Variants in VEZT observed in about 807,000 individuals in gnomAD.
The protein encoded by VEZT is vezatin.
Under a neutral mutation model 79.9 loss-of-function variants are expected in VEZT, and 39 were observed. The ratio of observed to expected loss-of-function variants is 0.49; its 90% CI spans 0.38 to 0.64. VEZT has a LOEUF of 0.64. Among genes scored for constraint, VEZT ranks in the 30% least tolerant of loss-of-function variants. VEZT has a pLI of 0.00. For missense variants in VEZT, 837 were observed against 893.1 expected (o/e 0.94, Z 0.80); for synonymous variants, 325 against 327.6 (o/e 0.99, Z 0.09).
At chr12:95,226,807 A>G (rs1484241476) in intron 1 of VEZT, among the ~76,000 whole-genome samples, 5 of 152,192 alleles carry the variant, frequency 3.3e-5, no homozygotes, top group Non-Finnish European at 7.3e-5. Context: ...GAATCTGATT[A>G]CCCATTTTAT....
At chr12:95,224,819 G>A (rs559909712) in intron 1 of VEZT, among the ~76,000 whole-genome samples, 6 of 152,290 alleles carry the variant, frequency 3.9e-5, no homozygotes, top group Non-Finnish European at 5.9e-5. Flanking sequence ...GACTTGTTTC[G>A]TGGAAGACAG....
rs762233115 is a variant in VEZT at position 95,217,930 on chromosome 12, A to G, written c.36+44A>G. 3.4e-6 allele frequency: 5 copies of G among 1,462,256 alleles called. No homozygotes were observed. In the South Asian group the frequency reaches 7.1e-5, roughly 21 times the overall value. 90.6% of individuals were successfully genotyped at this position (1,462,256 alleles called of 1,614,324 possible). The stretch of plus-strand genomic sequence containing the variant: ...TGGGTGTGGATTGCCTTTGTTTGAG[A>G]AGGACGAGACGGAAATCGAGGAAGC... On this transcript the variant is annotated intron_variant, in intron 1 of 11. Coordinates refer to ENST00000436874, the MANE Select transcript of VEZT (RefSeq NM_017599.4).
At chr12:95,270,012 C>T in intron 5 of VEZT, 39 bp from the exon 6 acceptor site, 1 of 1,593,416 alleles carries the variant, frequency 6.3e-7, no homozygotes, top group Non-Finnish European at 8.6e-7. Flanking sequence ...GACACCTGTA[C>T]AGTTGTATCA....
intron 3 of VEZT, among the ~76,000 whole-genome samples, chr12:95,261,996 T>C (rs192435963): frequency 6.0e-4 from 92 of 152,342 alleles, no homozygotes; most frequent in Non-Finnish European, 1.0e-3. Context: ...TAATATCATC[T>C]AATATCGACG....
chr12:95,251,103 T>C (rs1397495383), intron 1 of VEZT, among the ~76,000 whole-genome samples: 1 of 152,054 alleles, frequency 6.6e-6, no homozygotes, highest in Admixed American at 6.5e-5. Context: ...CTTTGCCTCC[T>C]GGGTTCAAGC....
intron 1 of VEZT, among the ~76,000 whole-genome samples, chr12:95,244,540 C>T (rs1335026125): frequency 2.6e-5 from 4 of 151,772 alleles, no homozygotes; most frequent in Non-Finnish European, 4.4e-5. Flanking sequence ...CAAGTCCCTA[C>T]GTTGCATTTG....
chr12:95,279,408 G>A (rs7967299), intron 7 of VEZT, among the ~76,000 whole-genome samples: 63,178 of 152,012 alleles, frequency 0.42, 13,772 homozygotes, highest in African/African-American at 0.55. Flanking sequence ...GAAGTCATCT[G>A]TTTCCTGCTC....
At chr12:95,228,931 G>A (rs572253795) in intron 1 of VEZT, among the ~76,000 whole-genome samples, 1 of 152,158 alleles carries the variant, frequency 6.6e-6, no homozygotes, top group Non-Finnish European at 1.5e-5. Context: ...GAGCCCAGGA[G>A]GTTGAGGCTG....
At chr12:95,228,175 T>A (rs2058757014) in intron 1 of VEZT, among the ~76,000 whole-genome samples, 1 of 152,218 alleles carries the variant, frequency 6.6e-6, no homozygotes, top group Non-Finnish European at 1.5e-5. Flanking sequence ...CTTTCGCCCT[T>A]TTCTCCCATA....
intron 4 of VEZT, chr12:95,263,817 T>C (rs2064993338): frequency 6.6e-6 from 1 of 152,182 alleles, no homozygotes; most frequent in Admixed American, 6.5e-5. Context: ...TGATTCTGGC[T>C]GTGTTGGCTG....
chr12:95,220,845 G>A (rs899266325), intron 1 of VEZT, among the ~76,000 whole-genome samples: 3 of 152,138 alleles, frequency 2.0e-5, no homozygotes, highest in African/African-American at 4.8e-5. Flanking sequence ...ATTTCTGGTG[G>A]ATATATATGT....
Position 95,244,252 on chromosome 12 carries a change from A to T in VEZT, c.37-7688A>T, listed in dbSNP as rs545973641. 2.2e-4 allele frequency among the ~76,000 whole-genome samples: 33 copies of T among 152,090 alleles called. No individual in the cohort carries two copies. The South Asian group carries it at 6.7e-3, about 31-fold the overall frequency. ...TAAAATAAAAAACAATTAGCCGGACATAATGGCACATACCTGTAGTACCAG... is the reference window on the plus strand; with the variant it reads ...TAAAATAAAAAACAATTAGCCGGACTTAATGGCACATACCTGTAGTACCAG... On this transcript the variant is annotated intron_variant, in intron 1 of 11. Transcript: ENST00000436874.
intron 8 of VEZT, among the ~76,000 whole-genome samples, chr12:95,284,603 T>C (rs888137078): frequency 2.0e-5 from 3 of 152,254 alleles, no homozygotes; most frequent in Admixed American, 1.3e-4. Context: ...AGTCTGTTTC[T>C]ATCTTTAATT....
chr12:95,221,420 C>G (rs1565953138), intron 1 of VEZT, among the ~76,000 whole-genome samples: 1 of 151,874 alleles, frequency 6.6e-6, no homozygotes, highest in African/African-American at 2.4e-5. Context: ...CAAAAACTAG[C>G]TGGGCATGGT....
chr12:95,255,588 C>T (rs1026558830), intron 2 of VEZT, among the ~76,000 whole-genome samples: 3 of 151,932 alleles, frequency 2.0e-5, no homozygotes, highest in Non-Finnish European at 1.5e-5. Flanking sequence ...CCCACCACCA[C>T]GCCCGGCTAA....
intron 1 of VEZT, among the ~76,000 whole-genome samples, chr12:95,242,646 G>A (rs757888343): frequency 3.9e-5 from 6 of 152,332 alleles, no homozygotes; most frequent in East Asian, 3.9e-4. Flanking sequence ...GGCTGAGGCA[G>A]GCAGATCACC....
chr12:95,289,085 AAAAAAAATAAATAAAT>A (rs1394192697), intron 9 of VEZT, among the ~76,000 whole-genome samples: 17 of 87,228 alleles, frequency 1.9e-4, no homozygotes, highest in East Asian at 7.9e-4. Context: ...CCGTCTCAAA[AAAAAAAATAAATAAAT>A]AAATAAATAA....
At chr12:95,230,427 T>C (rs1164768771) in intron 1 of VEZT, among the ~76,000 whole-genome samples, 1 of 151,236 alleles carries the variant, frequency 6.6e-6, no homozygotes, top group Non-Finnish European at 1.5e-5. Context: ...TTCTTTCTTT[T>C]TTTTTTTTGA....
At position 95,301,691 on chromosome 12, in the gene VEZT, T is replaced by C. The variant is rs959809006; in HGVS notation, c.*1018T>C. The C allele has an allele frequency of 2.0e-5, 3 of 152,256 alleles. No individual in the cohort carries two copies. Among genetic ancestry groups the C allele is most frequent in the African/African-American group, 7.2e-5 (3 of 41,474 alleles). The allele number at this position is 152,256 out of a possible 1,614,324, so 9.4% of individuals were successfully genotyped here. The stretch of plus-strand genomic sequence containing the variant: ...TCAGCATATACAGTTTTGAAACCTG[T>C]AGCTCCTATGCAATAACATAGTTCT... On this transcript the variant is annotated 3_prime_UTR_variant, in exon 12 of 12. Transcript: ENST00000436874.
Sources: allele counts gnomAD v4.1 joint callset (sites outside exome capture counted in the v4.1 genomes callset), GRCh38; gene constraint gnomAD v4.1.1; transcripts MANE v1.5; gene names NCBI Gene and HGNC (gene_info 2026-07-23, HGNC 2026-07-21).